The following CDYL variants were observed in gnomAD, a reference collection of about 807,000 sequenced individuals.
CDYL encodes the protein chromodomain Y-like protein.
Under a neutral mutation model 47.3 loss-of-function variants are expected in CDYL, and 8 were observed. That is an observed-to-expected ratio of 0.17 (90% CI 0.10 to 0.31). The LOEUF is 0.31. CDYL is among the 10% of genes least tolerant of loss of function. The pLI, the probability that CDYL is intolerant of heterozygous loss-of-function variation, is 1.00. For synonymous variants in CDYL, 266 were observed against 265.0 expected, an observed-to-expected ratio of 1.00 and a Z score of -0.04; for missense variants, 471 against 701.4, an observed-to-expected ratio of 0.67 and a Z score of 3.71.
chr6:4,756,419 A>T (rs1197905369), intron 3 of CDYL, among the ~76,000 whole-genome samples: 1 of 150,790 alleles, frequency 6.6e-6, no homozygotes, highest in African/African-American at 2.4e-5. Context: ...ATATCCTCCC[A>T]CCTCTTTCCC....
At chr6:4,809,888 T>A (rs1759476100) in intron 1 of CDYL, among the ~76,000 whole-genome samples, 1 of 134,806 alleles carries the variant, frequency 7.4e-6, no homozygotes, top group Admixed American at 7.4e-5. Flanking sequence ...ATGGTAGGGG[T>A]ATTATATTAG....
In CDYL at chr6:4,819,517, T is replaced by G. The variant is rs1002897479; in HGVS notation, c.24+42710T>G. 4.6e-5 allele frequency among the ~76,000 whole-genome samples: 7 copies of G among 152,160 alleles called. No individual in the cohort carries two copies. The East Asian group carries it at 1.2e-3, about 25-fold the overall frequency. ...TCATGTATTGGGAACTTGCTGTTTT[T>G]GGGGTCCAGCTCATTGCTTTAAAGG... On this transcript the variant is annotated intron_variant, in intron 1 of 6. Coordinates refer to ENST00000397588, the MANE Select transcript of CDYL (RefSeq NM_004824.4).
chr6:4,761,988 C>G (rs1343701944), intron 3 of CDYL, among the ~76,000 whole-genome samples: 1 of 152,146 alleles, frequency 6.6e-6, no homozygotes, highest in Admixed American at 6.6e-5. Context: ...AGCTTGGAAG[C>G]CCATGGAGGT....
At chr6:4,727,004 T>C (rs1457662189) in intron 2 of CDYL, among the ~76,000 whole-genome samples, 2 of 152,162 alleles carry the variant, frequency 1.3e-5, no homozygotes, top group Admixed American at 6.5e-5. Flanking sequence ...ACCCTCAAAC[T>C]CTCTACCTTA....
intron 1 of CDYL, among the ~76,000 whole-genome samples, chr6:4,884,388 A>G (rs1761845799): frequency 6.6e-6 from 1 of 152,188 alleles, no homozygotes; most frequent in Admixed American, 6.5e-5. Context: ...AGCTTTTATT[A>G]GATGTGTGAG....
At chr6:4,819,588 A>C (rs1759776434) in intron 1 of CDYL, among the ~76,000 whole-genome samples, 1 of 152,232 alleles carries the variant, frequency 6.6e-6, no homozygotes, top group Admixed American at 6.5e-5. Context: ...GCAATTTTGT[A>C]GTTAAGAACT....
intron 3 of CDYL, among the ~76,000 whole-genome samples, chr6:4,761,546 G>T (rs936264713): frequency 1.3e-5 from 2 of 152,192 alleles, no homozygotes; most frequent in Non-Finnish European, 2.9e-5. Context: ...GTTTCACCAT[G>T]TTGGCCAGGC....
intron 1 of CDYL, among the ~76,000 whole-genome samples, chr6:4,838,480 T>G (rs1388884259): frequency 2.0e-5 from 3 of 152,250 alleles, no homozygotes; most frequent in Non-Finnish European, 2.9e-5. Flanking sequence ...AATGCCATTA[T>G]TTCATTTCTT....
intron 1 of CDYL, among the ~76,000 whole-genome samples, chr6:4,779,238 G>A (rs1404428771): frequency 1.3e-5 from 2 of 150,488 alleles, no homozygotes; most frequent in Non-Finnish European, 3.0e-5. Flanking sequence ...CAAGTCAAGG[G>A]TTGTTAGTTG....
intron 2 of CDYL, among the ~76,000 whole-genome samples, chr6:4,910,591 A>T (rs1757381564): frequency 6.6e-6 from 1 of 152,252 alleles, no homozygotes; most frequent in Non-Finnish European, 1.5e-5. Context: ...ATAAGGCAAC[A>T]GGTAAGTGCT....
chr6:4,720,790 A>G (rs967882582), intron 2 of CDYL, among the ~76,000 whole-genome samples: 1 of 152,220 alleles, frequency 6.6e-6, no homozygotes, highest in East Asian at 1.9e-4. Context: ...CTGGAAAATA[A>G]TATCTTGAAT....
chr6:4,840,668 T>C (rs1271834033), intron 1 of CDYL, among the ~76,000 whole-genome samples: 1 of 152,212 alleles, frequency 6.6e-6, no homozygotes, highest in Non-Finnish European at 1.5e-5. Flanking sequence ...GTGATTTTTA[T>C]ATTTTTAATT....
At chr6:4,738,155 C>T (rs1470820263) in intron 3 of CDYL, among the ~76,000 whole-genome samples, 2 of 152,150 alleles carry the variant, frequency 1.3e-5, no homozygotes, top group Non-Finnish European at 2.9e-5. Context: ...GCAAATGGAT[C>T]ACTTGAGGCC....
At chr6:4,937,487 C>A in intron 3 of CDYL, 78 bp from the exon 4 acceptor site, 1 of 1,154,224 alleles carries the variant, frequency 8.7e-7, no homozygotes, top group Admixed American at 3.8e-5. Flanking sequence ...CAGAGTGAGA[C>A]TCTCTCCAAA....
chr6:4,709,059 C>T (rs1257622872), intron 1 of CDYL, among the ~76,000 whole-genome samples: 3 of 151,976 alleles, frequency 2.0e-5, no homozygotes, highest in Admixed American at 6.6e-5. Context: ...TTTTAGTTAA[C>T]AGTTTTAAAA....
intron 1 of CDYL, among the ~76,000 whole-genome samples, chr6:4,823,320 C>T (rs1759891607): frequency 6.6e-6 from 1 of 152,144 alleles, no homozygotes; most frequent in Admixed American, 6.5e-5. Flanking sequence ...TTAAACATAA[C>T]ATACCTACTA....
intron 1 of CDYL, among the ~76,000 whole-genome samples, chr6:4,857,981 A>G (rs998436068): frequency 2.0e-5 from 3 of 152,068 alleles, no homozygotes; most frequent in Admixed American, 6.5e-5. Flanking sequence ...TTTCAGCCTA[A>G]AGGTTTTTCT....
At chr6:4,709,320 C>T (rs1757106909) in intron 1 of CDYL, among the ~76,000 whole-genome samples, 3 of 152,092 alleles carry the variant, frequency 2.0e-5, no homozygotes. Flanking sequence ...CTCAGCCTGC[C>T]AAGTAGCTGG....
chr6:4,888,837 G>A (rs1023025248), intron 1 of CDYL, among the ~76,000 whole-genome samples: 19 of 152,080 alleles, frequency 1.2e-4, no homozygotes, highest in Non-Finnish European at 2.8e-4. Context: ...GAGACATTTT[G>A]GGGGGAGGTG....
Sources: gnomAD v4.1 joint callset for allele counts (sites outside exome capture counted in the v4.1 genomes callset) on GRCh38, gnomAD v4.1.1 for gene constraint, MANE v1.5 for transcripts, NCBI Gene and HGNC (gene_info 2026-07-23, HGNC 2026-07-21) for gene names.